Variants in USP6NL observed in about 807,000 individuals in gnomAD.
USP6NL encodes USP6 N-terminal like.
USP6NL carries 26 observed loss-of-function variants against 61.9 expected under a neutral mutation model. The observed-to-expected ratio is 0.42, with a 90% CI of 0.31 to 0.58. The LOEUF (loss-of-function observed/expected upper bound fraction) is 0.58. USP6NL is among the 20% of genes least tolerant of loss of function. USP6NL has a pLI of 0.16. For missense variants in USP6NL, 1,114 were observed against 1,034.3 expected (o/e 1.08, Z -1.06); for synonymous variants, 432 against 390.1 (o/e 1.11, Z -1.27).
At position 11,528,468 on chromosome 10, in the gene USP6NL, C is replaced by G. The variant is rs746050156; in HGVS notation, c.5-901G>C. On this transcript the variant is annotated intron_variant, in intron 2 of 14. Coordinates refer to ENST00000609104, the MANE Select transcript of USP6NL (RefSeq NM_014688.5). This position sits in a 1 kb window ranked among gnomAD's most constrained non-coding sequence, Gnocchi z 4.6. ...GCAGCAAATACTGTGCTAATAAGCA[C>G]TTTACCCTGCCTTACCACATGACAC... Among the ~76,000 whole-genome samples, 42 of 152,150 alleles carry G rather than the reference C, an allele frequency of 2.8e-4. No homozygotes were observed. The highest frequency in any genetic ancestry group is 4.7e-4 in the Non-Finnish European group (32 of 68,032).
chr10:11,517,425 C>T (rs1377052001), intron 5 of USP6NL, among the ~76,000 whole-genome samples: 1 of 152,230 alleles, frequency 6.6e-6, no homozygotes, highest in Non-Finnish European at 1.5e-5. Context: ...CACCAAGCCA[C>T]CAGTCGTCTC....
intron 2 of USP6NL, among the ~76,000 whole-genome samples, chr10:11,570,520 C>T (rs1369216611): frequency 6.6e-6 from 1 of 152,144 alleles, no homozygotes; most frequent in Non-Finnish European, 1.5e-5. Flanking sequence ...TAACCTTGGT[C>T]GTTCGGTTCT....
intron 2 of USP6NL, among the ~76,000 whole-genome samples, chr10:11,588,202 A>G (rs1243148075): frequency 6.6e-6 from 1 of 152,244 alleles, no homozygotes; most frequent in African/African-American, 2.4e-5. Flanking sequence ...ATTGGAGGAG[A>G]GTAAAGAGAC....
At chr10:11,552,887 AGTG>A (rs1219735026) in intron 2 of USP6NL, among the ~76,000 whole-genome samples, 1 of 152,142 alleles carries the variant, frequency 6.6e-6, no homozygotes, top group Non-Finnish European at 1.5e-5. Context: ...TATATTGTGT[AGTG>A]GTGAAGTCTG....
chr10:11,527,265 A>T (rs1835457515), intron 3 of USP6NL, among the ~76,000 whole-genome samples: 2 of 152,214 alleles, frequency 1.3e-5, no homozygotes, highest in South Asian at 4.1e-4. Context: ...GGAAACAGCC[A>T]GTGCAAAGGC....
intron 2 of USP6NL, chr10:11,573,401 CCCT>C (rs1348716210): frequency 1.1e-5 from 4 of 372,388 alleles, no homozygotes; most frequent in Non-Finnish European, 1.9e-5. Flanking sequence ...AATAATATCC[CCCT>C]AATTTTTGTT....
At position 11,598,850 on chromosome 10, in the gene USP6NL, AAC is replaced by A. The variant is rs1314210362; in HGVS notation, c.-83-1135_-83-1134del. ...AGAAGTATTTCATTTGCAGAATGAA[AAC>A]AGACTGCATCAGCACTTACGTGCCC... On this transcript the variant is annotated intron_variant, in intron 1 of 14. Coordinates refer to ENST00000609104, the MANE Select transcript of USP6NL (RefSeq NM_014688.5). This position sits in a 1 kb window ranked among gnomAD's most constrained non-coding sequence, Gnocchi z 4.7. Among the ~76,000 whole-genome samples the A allele has an allele frequency of 1.3e-5, 2 of 152,270 alleles. No homozygotes were observed. Among genetic ancestry groups the A allele is most frequent in the Admixed American group, 6.5e-5 (1 of 15,290 alleles).
Position 11,520,076 on chromosome 10 carries a change from C to G in USP6NL, c.156-1502G>C, listed in dbSNP as rs1421418236. On this transcript the variant is annotated intron_variant, in intron 4 of 14. Coordinates refer to ENST00000609104, the MANE Select transcript of USP6NL (RefSeq NM_014688.5). The surrounding 1 kb of genome is among the most constrained non-coding windows in gnomAD (Gnocchi z 5.2). ...CCAAAAGAGATCTTAGAGTCCAAAT[C>G]TCTCATTTCACAGATAATACAACTA... 6.6e-6 allele frequency among the ~76,000 whole-genome samples: 1 copy of G among 152,174 alleles called. No individual in the cohort carries two copies. Among genetic ancestry groups the G allele is most frequent in the Non-Finnish European group, 1.5e-5 (1 of 68,044 alleles).
At chr10:11,557,773 C>T (rs1032063294) in intron 2 of USP6NL, among the ~76,000 whole-genome samples, 3 of 152,086 alleles carry the variant, frequency 2.0e-5, no homozygotes, top group Non-Finnish European at 4.4e-5. Context: ...GCATACTACA[C>T]GGGCGGGCTC....
In USP6NL at chr10:11,493,663, C is replaced by T. The variant is rs1312983765; in HGVS notation, c.385-435G>A. Among the ~76,000 whole-genome samples the T allele has an allele frequency of 4.6e-5, 7 of 152,236 alleles. No individual in the cohort carries two copies. The East Asian group carries it at 1.3e-3, about 29-fold the overall frequency. On this transcript the variant is annotated intron_variant, in intron 7 of 14. Coordinates refer to ENST00000609104, the MANE Select transcript of USP6NL (RefSeq NM_014688.5). ...TGCTTTGTTTCCCACCTAATTCAATCCTAAGCTCCACTATAAATGGTATAA... is the reference window on the plus strand; with the variant it reads ...TGCTTTGTTTCCCACCTAATTCAATTCTAAGCTCCACTATAAATGGTATAA...
In USP6NL at chr10:11,549,810, G is replaced by A. The variant is rs75421026; in HGVS notation, c.5-22243C>T. Among the ~76,000 whole-genome samples the A allele has an allele frequency of 9.3e-4, 141 of 152,218 alleles. 5 individuals carry two copies. The East Asian group carries it at 0.019, about 21-fold the overall frequency. On this transcript the variant is annotated intron_variant, in intron 2 of 14. Coordinates refer to ENST00000609104, the MANE Select transcript of USP6NL (RefSeq NM_014688.5). ...ACCATCTCTTCTACTTTACCAACAC[G>A]TACTTCTTTATTAGTTAGAATTAGC...
chr10:11,576,597 TA>T (rs1239476191), intron 2 of USP6NL, among the ~76,000 whole-genome samples: 1 of 152,164 alleles, frequency 6.6e-6, no homozygotes, highest in Non-Finnish European at 1.5e-5. Context: ...TAACAGACAT[TA>T]AATCTGCCAG....
At chr10:11,504,913 G>A (rs1214865380) in intron 6 of USP6NL, among the ~76,000 whole-genome samples, 1 of 152,142 alleles carries the variant, frequency 6.6e-6, no homozygotes, top group Non-Finnish European at 1.5e-5. Context: ...AAGGATGGTG[G>A]GCACCACACT....
intron 7 of USP6NL, among the ~76,000 whole-genome samples, chr10:11,494,765 T>G (rs1833845975): frequency 6.6e-6 from 1 of 152,092 alleles, no homozygotes; most frequent in African/African-American, 2.4e-5. Flanking sequence ...GCTTACGCCA[T>G]TATTTCTGCT....
At position 11,548,209 on chromosome 10, in the gene USP6NL, ACTGT is replaced by A. The variant is rs1267877600; in HGVS notation, c.5-20646_5-20643del. On this transcript the variant is annotated intron_variant, in intron 2 of 14. Coordinates refer to ENST00000609104, the MANE Select transcript of USP6NL (RefSeq NM_014688.5). This position sits in a 1 kb window ranked among gnomAD's most constrained non-coding sequence, Gnocchi z 4.3. ...AAATACAAAACTCTGACATATTCACACTGTCTAACACATGACATTTACTAAAGTC... is the reference window on the plus strand; with the variant it reads ...AAATACAAAACTCTGACATATTCACACTAACACATGACATTTACTAAAGTC... Among the ~76,000 whole-genome samples the A allele has an allele frequency of 3.9e-5, 6 of 152,328 alleles. No individual in the cohort carries two copies. The South Asian group carries it at 8.3e-4, about 21-fold the overall frequency.
chr10:11,581,812 G>A (rs147856861), intron 2 of USP6NL, among the ~76,000 whole-genome samples: 17 of 152,146 alleles, frequency 1.1e-4, no homozygotes, highest in East Asian at 3.9e-4. Context: ...TCATTCTGTC[G>A]CCCAGGCTGG....
intron 2 of USP6NL, among the ~76,000 whole-genome samples, chr10:11,536,768 T>G (rs886734438): frequency 2.6e-5 from 4 of 152,204 alleles, no homozygotes; most frequent in Non-Finnish European, 5.9e-5. Flanking sequence ...CTACATTAAT[T>G]CCACATTAAA....
Position 11,491,791 on chromosome 10 carries a change from G to A in USP6NL, c.495-911C>T, listed in dbSNP as rs1833717986. On this transcript the variant is annotated intron_variant, in intron 8 of 14. Transcript: ENST00000609104. This position sits in a 1 kb window ranked among gnomAD's most constrained non-coding sequence, Gnocchi z 4.7. ...TAGGTTCAGATTTTCAGGAAGAAAG[G>A]TTTGAGTTATCCCTCTAGGTAAAGA... Among the ~76,000 whole-genome samples the A allele has an allele frequency of 6.6e-6, 1 of 152,168 alleles. No individual in the cohort carries two copies. The highest frequency in any genetic ancestry group is 1.5e-5 in the Non-Finnish European group (1 of 68,026).
Position 11,563,000 on chromosome 10 carries a change from T to A in USP6NL, c.4+34631A>T, listed in dbSNP as rs1437375462. ...GCTTTATTTGTAATAGTAAAAAAAA[T>A]AAAAAATAAAATAAAATAAATAAAA... On this transcript the variant is annotated intron_variant, in intron 2 of 14. Transcript: ENST00000609104. This position sits in a 1 kb window ranked among gnomAD's most constrained non-coding sequence, Gnocchi z 4.8. 1.3e-5 allele frequency among the ~76,000 whole-genome samples: 2 copies of A among 150,886 alleles called. No homozygotes were observed. The highest frequency in any genetic ancestry group is 2.4e-5 in the African/African-American group (1 of 40,910).
Sources: gnomAD v4.1 joint callset for allele counts (sites outside exome capture counted in the v4.1 genomes callset) on GRCh38, gnomAD v4.1.1 for gene constraint, Gnocchi (gnomAD v3.1) non-coding constraint, MANE v1.5 for transcripts, NCBI Gene and HGNC (gene_info 2026-07-23, HGNC 2026-07-21) for gene names.